The following AKAP6 variants were observed in gnomAD, a reference collection of about 807,000 sequenced individuals.
AKAP6 encodes A-kinase anchor protein 6.
AKAP6 carries 58 observed loss-of-function variants against 188.5 expected under a neutral mutation model. The observed-to-expected ratio is 0.31, with a 90% CI of 0.25 to 0.38. The LOEUF (loss-of-function observed/expected upper bound fraction) is 0.38, where lower values mean the gene tolerates loss of function less well. AKAP6 is among the 10% of genes least tolerant of loss of function. The probability of loss-of-function intolerance (pLI) is 1.00; values close to 1 mark genes in which losing one functional copy is unlikely to be tolerated. For missense variants in AKAP6, 2,710 were observed against 2,740.0 expected, an observed-to-expected ratio of 0.99 and a Z score of 0.24; for synonymous variants, 989 against 998.6, an observed-to-expected ratio of 0.99 and a Z score of 0.18.
chr14:32,581,094 T>G (rs1368023302), intron 5 of AKAP6, among the ~76,000 whole-genome samples: 1 of 152,190 alleles, frequency 6.6e-6, no homozygotes, highest in Admixed American at 6.5e-5. Flanking sequence ...GGTCAAGTGG[T>G]ATTTCTAGTT....
intron 7 of AKAP6, among the ~76,000 whole-genome samples, chr14:32,603,970 A>G (rs182189655): frequency 3.5e-4 from 54 of 152,284 alleles, no homozygotes; most frequent in African/African-American, 1.2e-3. Context: ...TAAGAGGTAA[A>G]ATAGGTGACG....
chr14:32,379,391 G>C (rs1391495224), intron 1 of AKAP6, among the ~76,000 whole-genome samples: 1 of 152,104 alleles, frequency 6.6e-6, no homozygotes, highest in Non-Finnish European at 1.5e-5. Flanking sequence ...TTTCTATTCT[G>C]CTGTCTTATT....
chr14:32,635,622 A>G (rs1233537685), intron 7 of AKAP6, among the ~76,000 whole-genome samples: 1 of 152,114 alleles, frequency 6.6e-6, no homozygotes, highest in East Asian at 1.9e-4. Flanking sequence ...TGACTGAAAT[A>G]ACACTGGTAA....
intron 1 of AKAP6, among the ~76,000 whole-genome samples, chr14:32,396,047 T>C (rs897265725): frequency 6.7e-5 from 10 of 150,212 alleles, no homozygotes; most frequent in African/African-American, 2.5e-4. Flanking sequence ...CTATAATGTG[T>C]ATATATATAT....
rs1883207837 is a variant in AKAP6, at chr14:32,546,553, C to T, written c.1900C>T (p.Pro634Ser). The change falls in exon 4 of 14, where the codon CCC becomes TCC. Residue 634 changes from proline (P) to serine (S), a missense_variant. Physicochemically the swap from Pro to Ser is moderately conservative, Grantham distance 74 (BLOSUM62 -1). Around this residue, in one of 2 missense-constraint regions of AKAP6, gnomAD observed 2,473 missense variants for 2,426.1 expected, o/e 1.02. Coordinates refer to ENST00000280979, the MANE Select transcript of AKAP6 (RefSeq NM_004274.5). ...TGGCTCTGATGAATACCTAGCACTG[C>T]CCTCTCACCTTAAGCAGACAGAAGT... is the stretch of plus-strand genomic sequence containing the variant. ...WYGSDEYLAL[P>S]SHLKQTEVLA... is the part of the protein sequence containing the mutation. 2.5e-6 allele frequency: 4 copies of T among 1,614,002 alleles called. No homozygotes were observed. Among genetic ancestry groups the T allele is most frequent in the Non-Finnish European group, 3.4e-6 (4 of 1,180,032 alleles).
Position 32,521,298 on chromosome 14 carries a change from A to G in AKAP6, c.325-14256A>G, listed in dbSNP as rs543650400. Among the ~76,000 whole-genome samples, 5 of 152,222 alleles carry G rather than the reference A, an allele frequency of 3.3e-5. No individual in the cohort carries two copies. The East Asian group carries it at 9.7e-4, about 29-fold the overall frequency. ...GCACCAGACAGGGATGCCCTCTCTC[A>G]CCACTCCTATTCAACATAGTGTTGG... On this transcript the variant is annotated intron_variant, in intron 2 of 13. Coordinates refer to ENST00000280979, the MANE Select transcript of AKAP6 (RefSeq NM_004274.5).
chr14:32,773,555 T>G, intron 11 of AKAP6, 123 bp from the exon 12 acceptor site: 1 of 912,324 alleles, frequency 1.1e-6, no homozygotes, highest in Non-Finnish European at 1.7e-6. Flanking sequence ...GAGCTCTTCT[T>G]GTCCTATTGT....
At chr14:32,644,803 C>T (rs1378309617) in intron 7 of AKAP6, among the ~76,000 whole-genome samples, 1 of 152,088 alleles carries the variant, frequency 6.6e-6, no homozygotes, top group African/African-American at 2.4e-5. Context: ...ATTAATGTCC[C>T]TGATTGCATT....
intron 8 of AKAP6, among the ~76,000 whole-genome samples, chr14:32,683,961 G>A (rs1889801546): frequency 2.0e-5 from 3 of 152,194 alleles, no homozygotes; most frequent in Non-Finnish European, 2.9e-5. Context: ...GGGTTGTTGA[G>A]GGAGGGGCTA....
intron 7 of AKAP6, among the ~76,000 whole-genome samples, chr14:32,652,034 A>G (rs1888252481): frequency 6.6e-6 from 1 of 151,982 alleles, no homozygotes; most frequent in African/African-American, 2.4e-5. Flanking sequence ...AGCTACCACT[A>G]TAGGCAGTGG....
At position 32,823,146 on chromosome 14, in the gene AKAP6, G is replaced by A. The variant is rs748800953; in HGVS notation, c.5333G>A (p.Ser1778Asn). The A allele has an allele frequency of 6.2e-7, 1 of 1,613,768 alleles. No individual in the cohort carries two copies. Among genetic ancestry groups the A allele is most frequent in the Non-Finnish European group, 8.5e-7 (1 of 1,179,884 alleles). ...ATCAAAGATGAGGATGACGACTCCA[G>A]TATTGCAACAGATGATGAAATTTAT... ...LCIKDEDDDS[S>N]IATDDEIYED... The change falls in exon 13 of 14, where the codon AGT becomes AAT. Residue 1778 changes from serine (S) to asparagine (N), a missense_variant. Ser to Asn is a conservative substitution (Grantham distance 46). Around this residue, in one of 2 missense-constraint regions of AKAP6, gnomAD observed 2,473 missense variants for 2,426.1 expected, o/e 1.02. Coordinates refer to ENST00000280979, the MANE Select transcript of AKAP6 (RefSeq NM_004274.5).
In AKAP6 at chr14:32,484,514, C is replaced by CG. The variant is rs1389229062; in HGVS notation, c.324+50702dup. ...GAGTCAGAAGCTTATGTTGTTTATG[C>CG]GGGGGAATGCCATATCGGGGGCACC... is the stretch of plus-strand genomic sequence containing the variant. On this transcript the variant is annotated intron_variant, in intron 2 of 13. Coordinates refer to ENST00000280979, the MANE Select transcript of AKAP6 (RefSeq NM_004274.5). 3 of 198,374 alleles carry CG rather than the reference C, an allele frequency of 1.5e-5. 1 individual carries two copies. The highest frequency in any genetic ancestry group is 2.2e-5 in the Non-Finnish European group (3 of 137,426). The allele number at this position is 198,374 out of a possible 1,614,324, so 12.3% of individuals were successfully genotyped here. A position where few individuals can be genotyped will look rare whatever the true frequency, so the allele number is the denominator to read the frequency against.
At chr14:32,452,100 C>T (rs1890962766) in intron 2 of AKAP6, among the ~76,000 whole-genome samples, 1 of 139,022 alleles carries the variant, frequency 7.2e-6, no homozygotes, top group African/African-American at 2.7e-5. Flanking sequence ...CGGCTCACTG[C>T]AGCCTTCACC....
At chr14:32,656,466 A>G (rs1888458859) in intron 7 of AKAP6, among the ~76,000 whole-genome samples, 1 of 152,146 alleles carries the variant, frequency 6.6e-6, no homozygotes, top group African/African-American at 2.4e-5. Context: ...CTGAATAAGC[A>G]TCACCTGGGA....
At chr14:32,654,036 G>C (rs1888342622) in intron 7 of AKAP6, among the ~76,000 whole-genome samples, 1 of 152,070 alleles carries the variant, frequency 6.6e-6, no homozygotes, top group Admixed American at 6.6e-5. Flanking sequence ...TGAAATCATT[G>C]TACCTTAAAC....
At chr14:32,746,143 C>A (rs1404042405) in intron 11 of AKAP6, among the ~76,000 whole-genome samples, 2 of 152,048 alleles carry the variant, frequency 1.3e-5, no homozygotes, top group Non-Finnish European at 2.9e-5. Flanking sequence ...CCCCAAGAGC[C>A]CACTTGTTAC....
intron 11 of AKAP6, among the ~76,000 whole-genome samples, chr14:32,739,060 A>G (rs2031561757): frequency 6.6e-6 from 1 of 152,124 alleles, no homozygotes; most frequent in Admixed American, 6.6e-5. Flanking sequence ...CCATGCTACA[A>G]TTGCATTAGG....
At chr14:32,789,258 G>A (rs756587778) in intron 12 of AKAP6, among the ~76,000 whole-genome samples, 4 of 151,802 alleles carry the variant, frequency 2.6e-5, no homozygotes, top group Non-Finnish European at 5.9e-5. Context: ...AGGGGCAGCT[G>A]CCATCTCTGC....
intron 12 of AKAP6, among the ~76,000 whole-genome samples, chr14:32,798,991 A>G (rs532868436): frequency 6.6e-6 from 1 of 152,334 alleles, no homozygotes; most frequent in South Asian, 2.1e-4. Context: ...GTTAATTGCT[A>G]TTATTAGTTT....
Sources: gnomAD v4.1 joint callset for allele counts (sites outside exome capture counted in the v4.1 genomes callset) on GRCh38, gnomAD v4.1.1 for gene constraint, gnomAD v4.1.1 regional missense constraint, MANE v1.5 for transcripts, NCBI Gene and HGNC (gene_info 2026-07-23, HGNC 2026-07-21) for gene names.